EIPR1: variants seen among roughly 807,000 people sequenced by gnomAD.
EIPR1 encodes the protein EARP complex and GARP complex interacting protein 1.
A neutral mutation model predicts 48.1 loss-of-function variants in EIPR1; 25 were observed. The ratio of observed to expected loss-of-function variants is 0.52; its 90% CI spans 0.38 to 0.73. EIPR1 has a LOEUF of 0.73. Among genes scored for constraint, EIPR1 ranks in the 30% least tolerant of loss-of-function variants. The pLI is 0.00. For synonymous variants in EIPR1, 204 were observed against 201.9 expected (o/e 1.01, Z -0.09); for missense variants, 415 against 506.2 (o/e 0.82, Z 1.73).
intron 3 of EIPR1, among the ~76,000 whole-genome samples, chr2:3,281,358 A>G (rs1668006302): frequency 6.6e-6 from 1 of 152,140 alleles, no homozygotes; most frequent in Admixed American, 6.5e-5. Flanking sequence ...AGGGCGAGTT[A>G]GTGAGCACTT....
intron 1 of EIPR1, among the ~76,000 whole-genome samples, chr2:3,355,846 A>AAAATG (rs765994269): frequency 5.6e-5 from 7 of 124,422 alleles, no homozygotes; most frequent in African/African-American, 1.9e-4. Flanking sequence ...TAAAATGAAT[A>AAAATG]AATAATTAAA....
At chr2:3,231,663 T>A (rs1404001465) in intron 4 of EIPR1, among the ~76,000 whole-genome samples, 2 of 152,218 alleles carry the variant, frequency 1.3e-5, no homozygotes, top group East Asian at 3.8e-4. Flanking sequence ...TATTGAAGCA[T>A]CCTTGCATCT....
chr2:3,196,819 T>C lies in EIPR1; in HGVS notation c.653+62A>G, dbSNP rs545670347. The stretch of plus-strand genomic sequence containing the variant: ...TGGCTCACCATCAGCTCCACCATCA[T>C]CCCGGTTCTGCTCGGTGAGGGAGGA... On this transcript the variant is annotated intron_variant, in intron 6 of 8. Transcript: ENST00000382125. 8 of 1,590,620 alleles carry C rather than the reference T, an allele frequency of 5.0e-6. No individual in the cohort carries two copies. In the East Asian group the frequency reaches 1.4e-4, roughly 27 times the overall value.
At chr2:3,345,231 A>T (rs1334459497) in intron 2 of EIPR1, among the ~76,000 whole-genome samples, 1 of 152,146 alleles carries the variant, frequency 6.6e-6, no homozygotes, top group Non-Finnish European at 1.5e-5. Context: ...TCTTCCTTCC[A>T]GTGGGGAGCT....
intron 5 of EIPR1, among the ~76,000 whole-genome samples, chr2:3,209,646 T>C (rs967070385): frequency 1.3e-5 from 2 of 152,110 alleles, no homozygotes; most frequent in African/African-American, 4.8e-5. Context: ...CTGAACTTCA[T>C]CGACATGGAG....
intron 2 of EIPR1, among the ~76,000 whole-genome samples, chr2:3,346,866 A>C (rs1670417435): frequency 6.6e-6 from 1 of 152,224 alleles, no homozygotes; most frequent in African/African-American, 2.4e-5. Context: ...CAGGAATGTC[A>C]CCTGACATAG....
At chr2:3,203,667 G>A (rs1157025058) in intron 5 of EIPR1, among the ~76,000 whole-genome samples, 2 of 152,244 alleles carry the variant, frequency 1.3e-5, no homozygotes, top group Admixed American at 6.5e-5. Flanking sequence ...GATGGCCCTC[G>A]GACTTGGTGG....
At chr2:3,264,688 G>C (rs990010607) in intron 3 of EIPR1, among the ~76,000 whole-genome samples, 1 of 147,070 alleles carries the variant, frequency 6.8e-6, no homozygotes, top group African/African-American at 2.7e-5. Flanking sequence ...TGCTGTTTTT[G>C]TTTGTTTGTT....
intron 1 of EIPR1, among the ~76,000 whole-genome samples, chr2:3,376,743 C>T (rs1659897610): frequency 6.6e-6 from 1 of 151,458 alleles, no homozygotes; most frequent in South Asian, 2.1e-4. Context: ...CATACTGCTG[C>T]ACAAAATTAT....
At chr2:3,279,792 G>A (rs189511905) in intron 3 of EIPR1, among the ~76,000 whole-genome samples, 4 of 152,318 alleles carry the variant, frequency 2.6e-5, no homozygotes, top group East Asian at 3.9e-4. Context: ...ACCATGATGC[G>A]AAGTTACACA....
intron 4 of EIPR1, among the ~76,000 whole-genome samples, chr2:3,252,516 G>C (rs995457071): frequency 6.6e-6 from 1 of 152,142 alleles, no homozygotes; most frequent in Non-Finnish European, 1.5e-5. Context: ...GCTTGAACCC[G>C]GGAGACAGAG....
intron 2 of EIPR1, among the ~76,000 whole-genome samples, chr2:3,350,713 A>G (rs1670546539): frequency 6.6e-6 from 1 of 152,212 alleles, no homozygotes; most frequent in South Asian, 2.1e-4. Context: ...CAGAAAGACA[A>G]AACCAGCAAG....
intron 3 of EIPR1, among the ~76,000 whole-genome samples, chr2:3,269,415 GCACTCAATCATCA>G (rs1305549514): frequency 0.034 from 2,219 of 66,006 alleles, 681 homozygotes; most frequent in South Asian, 0.061. Context: ...CTCAATCATC[GCACTCAATCATCA>G]CACTCAATCA....
At chr2:3,250,701 G>A (rs180995865) in intron 4 of EIPR1, among the ~76,000 whole-genome samples, 12 of 152,298 alleles carry the variant, frequency 7.9e-5, no homozygotes, top group Non-Finnish European at 1.0e-4. Flanking sequence ...CCACAGGGGC[G>A]GATCCCTCAT....
intron 2 of EIPR1, among the ~76,000 whole-genome samples, chr2:3,349,568 A>T (rs572621957): frequency 1.3e-5 from 2 of 151,012 alleles, no homozygotes; most frequent in African/African-American, 4.9e-5. Flanking sequence ...GCTGCCAGAC[A>T]GGGACAGGGA....
chr2:3,194,285 CT>C, intron 6 of EIPR1, 119 bp from the exon 7 acceptor site: 1 of 1,289,332 alleles, frequency 7.8e-7, no homozygotes, highest in Non-Finnish European at 1.1e-6. Context: ...CCAGGGTGCT[CT>C]CATCCCCTCG....
intron 5 of EIPR1, among the ~76,000 whole-genome samples, chr2:3,211,219 C>T (rs1035421946): frequency 1.3e-5 from 2 of 152,168 alleles, no homozygotes; most frequent in Non-Finnish European, 2.9e-5. Context: ...ACAGGAGGGT[C>T]GCTGCTGGAA....
chr2:3,235,280 A>C (rs1666364270), intron 4 of EIPR1, among the ~76,000 whole-genome samples: 1 of 152,266 alleles, frequency 6.6e-6, no homozygotes, highest in Non-Finnish European at 1.5e-5. Context: ...AATAGGTCAC[A>C]TCCCCTCAGC....
At chr2:3,342,922 G>A (rs1396288036) in intron 2 of EIPR1, among the ~76,000 whole-genome samples, 1 of 152,198 alleles carries the variant, frequency 6.6e-6, no homozygotes. Context: ...CAAACAGGAT[G>A]CCATCAACCA....
Sources: gnomAD v4.1 joint callset for allele counts (sites outside exome capture counted in the v4.1 genomes callset) on GRCh38, gnomAD v4.1.1 for gene constraint, MANE v1.5 for transcripts, NCBI Gene and HGNC (gene_info 2026-07-23, HGNC 2026-07-21) for gene names.